MACC1: variants seen among roughly 807,000 people sequenced by gnomAD.
The protein encoded by MACC1 is MET transcriptional regulator MACC1, also known as metastasis-associated in colon cancer protein 1.
A neutral mutation model predicts 70.7 loss-of-function variants in MACC1; 79 were observed. The observed-to-expected ratio is 1.12, with a 90% CI of 0.93 to 1.35. The LOEUF (loss-of-function observed/expected upper bound fraction) is 1.35, where lower values mean the gene tolerates loss of function less well. Among genes scored for constraint, MACC1 ranks in the 40% most tolerant of loss-of-function variants. The pLI is 0.00. For missense variants in MACC1, 1,106 were observed against 978.1 expected (o/e 1.13, Z -1.74); for synonymous variants, 361 against 347.2 (o/e 1.04, Z -0.44).
intron 6 of MACC1, among the ~76,000 whole-genome samples, chr7:20,152,673 TA>T (rs1781998109): frequency 6.6e-6 from 1 of 152,206 alleles, no homozygotes; most frequent in Non-Finnish European, 1.5e-5. Context: ...CTTAGTCATT[TA>T]TGATTTGGGC....
chr7:20,154,011 C>T (rs561867324), intron 6 of MACC1, among the ~76,000 whole-genome samples, 182 bp downstream of exon 6: 2 of 152,152 alleles, frequency 1.3e-5, no homozygotes, highest in East Asian at 1.9e-4. Flanking sequence ...GCTCTCAATG[C>T]CTTTTAAGAG....
intron 1 of MACC1, among the ~76,000 whole-genome samples, chr7:20,209,932 C>A (rs931683885): frequency 4.6e-5 from 7 of 152,152 alleles, no homozygotes; most frequent in East Asian, 3.8e-4. Flanking sequence ...AATTGTCCGG[C>A]ATTTTCCCTG....
chr7:20,157,106 C>A (rs1039190469), intron 5 of MACC1, among the ~76,000 whole-genome samples: 1 of 152,134 alleles, frequency 6.6e-6, no homozygotes, highest in Non-Finnish European at 1.5e-5. Flanking sequence ...AATTGTCTAA[C>A]TTTTTAAGAC....
intron 1 of MACC1, among the ~76,000 whole-genome samples, chr7:20,172,874 G>A (rs939298804): frequency 2.0e-5 from 3 of 152,190 alleles, no homozygotes; most frequent in Admixed American, 2.0e-4. Context: ...GAAGCTAGTG[G>A]GTTCCTTGTG....
chr7:20,174,034 GACA>G (rs909017119), intron 1 of MACC1, among the ~76,000 whole-genome samples: 4 of 152,210 alleles, frequency 2.6e-5, no homozygotes, highest in African/African-American at 9.7e-5. Flanking sequence ...TGGATGAACA[GACA>G]ACAACATTCA....
At chr7:20,166,363 G>A (rs1425395463) in intron 2 of MACC1, among the ~76,000 whole-genome samples, 3 of 151,936 alleles carry the variant, frequency 2.0e-5, no homozygotes, top group Non-Finnish European at 1.5e-5. Context: ...TTTTAAAAAG[G>A]CCCACAAAGG....
At chr7:20,213,350 T>C (rs997674544) in intron 1 of MACC1, among the ~76,000 whole-genome samples, 3 of 152,210 alleles carry the variant, frequency 2.0e-5, no homozygotes, top group Non-Finnish European at 2.9e-5. Context: ...GTTCAGCCAT[T>C]GTGGAAGACA....
At chr7:20,196,337 C>G (rs914672584) in intron 1 of MACC1, among the ~76,000 whole-genome samples, 1 of 152,020 alleles carries the variant, frequency 6.6e-6, no homozygotes, top group Non-Finnish European at 1.5e-5. Flanking sequence ...CCCGCCACCA[C>G]GCCCGGCTAA....
At chr7:20,178,083 C>T (rs2390285) in intron 1 of MACC1, among the ~76,000 whole-genome samples, 73,703 of 151,902 alleles carry the variant, frequency 0.49, 19,647 homozygotes, top group East Asian at 0.86. Context: ...TTAAACTCTA[C>T]ACATTTTGTA....
At chr7:20,194,603 C>G (rs1032563498) in intron 1 of MACC1, among the ~76,000 whole-genome samples, 2 of 152,214 alleles carry the variant, frequency 1.3e-5, no homozygotes, top group African/African-American at 4.8e-5. Context: ...CAGTGAAAAG[C>G]TATTAAGCAA....
chr7:20,159,096 T>A lies in MACC1; in HGVS notation c.1265A>T (p.Lys422Met). The A allele has an allele frequency of 6.2e-7, 1 of 1,613,256 alleles. No homozygotes were observed. Among genetic ancestry groups the A allele is most frequent in the Non-Finnish European group, 8.5e-7 (1 of 1,179,888 alleles). Reference sequence around the variant, plus strand: ...TGGCTTGTCAAGTAAAAATGACTGCTTCCCCCAGAGCTGAAACACAACTGG... The same window carrying A: ...TGGCTTGTCAAGTAAAAATGACTGCATCCCCCAGAGCTGAAACACAACTGG... ...ISPVVFQLWG[K>M]QSFLLDKPQD... is the part of the protein sequence containing the mutation. The change falls in exon 5 of 7, where the codon AAG becomes ATG. Residue 422 changes from lysine (K) to methionine (M), a missense_variant. Coordinates refer to ENST00000400331, the MANE Select transcript of MACC1 (RefSeq NM_182762.4).
chr7:20,172,395 C>G (rs183670304), intron 1 of MACC1, among the ~76,000 whole-genome samples: 59 of 152,172 alleles, frequency 3.9e-4, no homozygotes, highest in Middle Eastern at 3.4e-3. Context: ...GTAAAATATT[C>G]AATGTAAATC....
At chr7:20,161,543 C>T (rs1437166423) in intron 4 of MACC1, among the ~76,000 whole-genome samples, 2 of 151,982 alleles carry the variant, frequency 1.3e-5, no homozygotes, top group African/African-American at 2.4e-5. Flanking sequence ...TTATTAACAA[C>T]ATTTTTCCTT....
intron 6 of MACC1, among the ~76,000 whole-genome samples, chr7:20,150,833 G>A (rs1781964871): frequency 6.6e-6 from 1 of 152,160 alleles, no homozygotes; most frequent in African/African-American, 2.4e-5. Flanking sequence ...GATCACCTGA[G>A]GTCAGGAGTT....
intron 1 of MACC1, among the ~76,000 whole-genome samples, chr7:20,176,337 A>G (rs1782392637): frequency 6.6e-6 from 1 of 152,112 alleles, no homozygotes; most frequent in Non-Finnish European, 1.5e-5. Context: ...AAAATGGCAT[A>G]GAACTGTAGC....
Position 20,159,271 on chromosome 7 carries a change from C to A in MACC1, c.1090G>T (p.Asp364Tyr). ...ALPSPAATIW[D>Y]YIHKTTSIGI... Reference sequence around the variant, plus strand: ...ATTGAGGTGGTTTTGTGGATATAATCCCAAATGGTGGCAGCTGGTGACGGA... The same window carrying A: ...ATTGAGGTGGTTTTGTGGATATAATACCAAATGGTGGCAGCTGGTGACGGA... The change falls in exon 5 of 7, where the codon GAT (aspartate) becomes TAT (tyrosine). Residue 364 changes from aspartate to tyrosine, a missense_variant. Asp to Tyr is a radical substitution (Grantham distance 160, BLOSUM62 -3). Transcript: ENST00000400331. The A allele has an allele frequency of 6.2e-7, 1 of 1,613,922 alleles. No individual in the cohort carries two copies.
At chr7:20,152,070 A>G (rs1177215618) in intron 6 of MACC1, among the ~76,000 whole-genome samples, 1 of 152,194 alleles carries the variant, frequency 6.6e-6, no homozygotes, top group African/African-American at 2.4e-5. Flanking sequence ...TATTTCCAGA[A>G]CAGTGTCTGT....
At chr7:20,163,066 G>A (rs754734148) in intron 3 of MACC1, among the ~76,000 whole-genome samples, 24 of 151,912 alleles carry the variant, frequency 1.6e-4, no homozygotes, top group Admixed American at 3.3e-4. Context: ...AAAGATTCCC[G>A]CAAATCAATA....
Position 20,157,864 on chromosome 7 carries a change from C to T in MACC1, c.2157+340G>A, listed in dbSNP as rs16872485. Among the ~76,000 whole-genome samples the T allele has an allele frequency of 5.8e-3, 872 of 151,408 alleles. 13 individuals are homozygous for T. Among genetic ancestry groups the T allele is most frequent in the African/African-American group, 0.019 (792 of 41,324 alleles). On this transcript the variant is annotated intron_variant, in intron 5 of 6. Transcript: ENST00000400331. ...GGCCAAGTTAGTTCTCTTTAGTTTG[C>T]TTTCATGTTATGGAGCCTCTCTGGT...
Sources: allele counts gnomAD v4.1 joint callset (sites outside exome capture counted in the v4.1 genomes callset), GRCh38; gene constraint gnomAD v4.1.1; transcripts MANE v1.5; gene names NCBI Gene and HGNC (gene_info 2026-07-23, HGNC 2026-07-21).